BSDC1: variants seen among roughly 807,000 people sequenced by gnomAD.
BSDC1 encodes the protein BSD domain-containing protein 1.
Under a neutral mutation model 56.0 loss-of-function variants are expected in BSDC1, and 29 were observed. The observed-to-expected ratio is 0.52, with a 90% CI of 0.39 to 0.71. The LOEUF is 0.71. Among genes scored for constraint, BSDC1 ranks in the 30% least tolerant of loss-of-function variants. BSDC1 has a pLI of 0.00. For missense variants in BSDC1, 477 were observed against 548.5 expected (o/e 0.87, Z 1.30); for synonymous variants, 210 against 215.3 (o/e 0.98, Z 0.21).
At chr1:32,379,004 C>T (rs1557646155) in intron 5 of BSDC1, among the ~76,000 whole-genome samples, 165 bp from the exon 6 acceptor site, 1 of 152,174 alleles carries the variant, frequency 6.6e-6, no homozygotes, top group African/African-American at 2.4e-5. Context: ...GCGGGTGCCG[C>T]ACCTGAGTGA....
intron 3 of BSDC1, 35 bp downstream of exon 3, chr1:32,386,744 G>A: frequency 6.5e-7 from 1 of 1,548,650 alleles, no homozygotes; most frequent in South Asian, 1.1e-5. Flanking sequence ...AGGTTGCGAG[G>A]GGCAGTTACT....
chr1:32,374,437 C>T (rs1033408809), intron 9 of BSDC1, among the ~76,000 whole-genome samples: 21 of 152,350 alleles, frequency 1.4e-4, no homozygotes, highest in African/African-American at 4.8e-4. Flanking sequence ...CCAGAACCCA[C>T]AGCCTTAGCA....
chr1:32,375,255 C>A (rs1642238134), intron 9 of BSDC1, among the ~76,000 whole-genome samples: 1 of 151,990 alleles, frequency 6.6e-6, no homozygotes, highest in African/African-American at 2.4e-5. Flanking sequence ...TGGTTTCCAT[C>A]AGGGAATAGG....
intron 4 of BSDC1, among the ~76,000 whole-genome samples, chr1:32,383,545 T>C (rs916630533): frequency 3.2e-4 from 49 of 152,156 alleles, no homozygotes; most frequent in African/African-American, 1.2e-3. Context: ...AATGTCTTTT[T>C]TGTTCAGAAG....
intron 9 of BSDC1, among the ~76,000 whole-genome samples, chr1:32,374,058 G>A (rs1024738929): frequency 1.3e-5 from 2 of 152,080 alleles, no homozygotes; most frequent in Admixed American, 1.3e-4. Flanking sequence ...CTCTTCTACA[G>A]GACTATTTCA....
rs1451499155 is a variant in BSDC1, at chr1:32,364,844, G to C, written c.*1778C>G. ...ACCAAGAGCAACTGAAGCCATTCTT[G>C]TTGCAACTTCCTTTCCAAAGGAAAG... On this transcript the variant is annotated 3_prime_UTR_variant, in exon 11 of 11. Transcript: ENST00000455895. Among the ~76,000 whole-genome samples the C allele has an allele frequency of 1.3e-5, 2 of 152,242 alleles. No homozygotes were observed. The highest frequency in any genetic ancestry group is 2.9e-5 in the Non-Finnish European group (2 of 68,042).
intron 10 of BSDC1, chr1:32,368,179 T>C: frequency 7.0e-7 from 1 of 1,436,278 alleles, no homozygotes; most frequent in South Asian, 1.5e-5. Flanking sequence ...GCATGACATC[T>C]GTTTTCTTAA....
intron 2 of BSDC1, among the ~76,000 whole-genome samples, chr1:32,392,551 A>C (rs1265529120): frequency 2.0e-5 from 3 of 152,126 alleles, no homozygotes; most frequent in African/African-American, 7.2e-5. Flanking sequence ...AGACAAACAC[A>C]GGAGGCCCTC....
In BSDC1 at chr1:32,381,834, TATC is replaced by T. The variant is rs778674606; in HGVS notation, c.358-569_358-567del. On this transcript the variant is annotated intron_variant, in intron 4 of 10. Transcript: ENST00000455895. ...TCACTGTCGTTATAGCTCAAAATCT[TATC>T]AAACATTTTCACAATTCCACTCACA... Among the ~76,000 whole-genome samples the T allele has an allele frequency of 3.3e-5, 5 of 152,360 alleles. No individual in the cohort carries two copies. The East Asian group carries it at 7.7e-4, about 24-fold the overall frequency.
intron 9 of BSDC1, among the ~76,000 whole-genome samples, chr1:32,375,198 T>C (rs1377780284): frequency 6.6e-6 from 1 of 151,742 alleles, no homozygotes; most frequent in Non-Finnish European, 1.5e-5. Context: ...ATGACCTCAT[T>C]GATCAAAGTC....
chr1:32,373,609 C>T (rs1273966084), intron 9 of BSDC1, among the ~76,000 whole-genome samples: 1 of 152,184 alleles, frequency 6.6e-6, no homozygotes, highest in Non-Finnish European at 1.5e-5. Context: ...GCAGCCTCAA[C>T]CTCCCCACTC....
chr1:32,394,186 C>A (rs758024215), intron 1 of BSDC1, 46 bp from the exon 2 acceptor site: 1 of 1,589,782 alleles, frequency 6.3e-7, no homozygotes, highest in Admixed American at 1.8e-5. Context: ...GCGATTCCTG[C>A]CCGCCCAAGG....
intron 4 of BSDC1, 131 bp from the exon 5 acceptor site, chr1:32,381,399 TC>T: frequency 2.3e-6 from 2 of 871,240 alleles, no homozygotes; most frequent in Non-Finnish European, 3.7e-6. Context: ...CCCCAGGGCA[TC>T]TGTTAATTAG....
intron 9 of BSDC1, chr1:32,369,211 A>G: frequency 7.9e-7 from 1 of 1,258,432 alleles, no homozygotes; most frequent in Non-Finnish European, 1.0e-6. Flanking sequence ...ATCCATGCCA[A>G]ACAGCCTTAA....
Position 32,381,284 on chromosome 1 carries a change from A to G in BSDC1, c.358-16T>C, listed in dbSNP as rs1484907837. 1 of 1,612,914 alleles carries G rather than the reference A, an allele frequency of 6.2e-7. No individual in the cohort carries two copies. Among genetic ancestry groups the G allele is most frequent in the East Asian group, 2.2e-5 (1 of 44,876 alleles). The stretch of plus-strand genomic sequence containing the variant: ...AGAGGCGAGCCTGTAAGAAAAGGAG[A>G]AGAGGAAAACAGAAATTCTGAGATA... On this transcript the variant is annotated splice_polypyrimidine_tract_variant and intron_variant, in intron 4 of 10. Coordinates refer to ENST00000455895, the MANE Select transcript of BSDC1 (RefSeq NM_018045.8).
intron 9 of BSDC1, among the ~76,000 whole-genome samples, chr1:32,375,773 A>G (rs775785474): frequency 6.6e-6 from 1 of 152,208 alleles, no homozygotes; most frequent in Non-Finnish European, 1.5e-5. Flanking sequence ...CTTAACATCA[A>G]TGTCACTGGG....
chr1:32,376,215 T>G (rs1471664835), intron 9 of BSDC1, 47 bp downstream of exon 9: 2 of 1,405,942 alleles, frequency 1.4e-6, no homozygotes, highest in East Asian at 4.7e-5. Context: ...CCTCAGGAGG[T>G]GGCCCTGACC....
intron 9 of BSDC1, among the ~76,000 whole-genome samples, chr1:32,375,462 C>T (rs141975955): frequency 2.0e-4 from 30 of 152,192 alleles, no homozygotes; most frequent in South Asian, 8.3e-4. Context: ...GATAATCAGC[C>T]GTCCCTGAAG....
intron 2 of BSDC1, 44 bp downstream of exon 2, chr1:32,394,036 G>T: frequency 6.3e-7 from 1 of 1,583,144 alleles, no homozygotes; most frequent in Non-Finnish European, 8.6e-7. Context: ...CATTGAGGCG[G>T]CGCAGGGCCC....
Sources: gnomAD v4.1 joint callset for allele counts (sites outside exome capture counted in the v4.1 genomes callset) on GRCh38, gnomAD v4.1.1 for gene constraint, MANE v1.5 for transcripts, NCBI Gene and HGNC (gene_info 2026-07-23, HGNC 2026-07-21) for gene names.